PRKCZ: variants seen among roughly 807,000 people sequenced by gnomAD.
PRKCZ encodes the protein protein kinase C zeta, also known as protein kinase C zeta type.
In PRKCZ, 33 loss-of-function variants were observed where a neutral mutation model predicts 79.5. That is an observed-to-expected ratio of 0.41 (90% CI 0.31 to 0.55). PRKCZ has a LOEUF of 0.55. Among genes scored for constraint, PRKCZ ranks in the 20% least tolerant of loss-of-function variants. PRKCZ has a pLI of 0.19. For synonymous variants in PRKCZ, 342 were observed against 320.9 expected, an observed-to-expected ratio of 1.07 and a Z score of -0.70; for missense variants, 578 against 813.5, an observed-to-expected ratio of 0.71 and a Z score of 3.52.
intron 4 of PRKCZ, among the ~76,000 whole-genome samples, chr1:2,084,591 G>C (rs970955263): frequency 2.6e-5 from 4 of 152,248 alleles, no homozygotes; most frequent in Admixed American, 2.6e-4. Context: ...TCTCTGCCTG[G>C]ACTGTGGATG....
At chr1:2,064,297 T>C (rs1421683443) in intron 4 of PRKCZ, among the ~76,000 whole-genome samples, 1 of 152,240 alleles carries the variant, frequency 6.6e-6, no homozygotes, top group Admixed American at 6.5e-5. Flanking sequence ...TTAGCAAATA[T>C]CTTCTCCTGC....
intron 4 of PRKCZ, among the ~76,000 whole-genome samples, chr1:2,101,624 T>C (rs540919610): frequency 6.6e-6 from 1 of 152,358 alleles, no homozygotes; most frequent in East Asian, 1.9e-4. Flanking sequence ...GGTCTTCAAG[T>C]GCCCTGGGCT....
At chr1:2,116,761 C>CT (rs34766003) in intron 4 of PRKCZ, among the ~76,000 whole-genome samples, 2 of 152,126 alleles carry the variant, frequency 1.3e-5, no homozygotes, top group African/African-American at 4.8e-5. Context: ...TGGTTATTGG[C>CT]TTTTTACATT....
chr1:2,149,308 C>G lies in PRKCZ; in HGVS notation c.687+384C>G, dbSNP rs1679364261. Among the ~76,000 whole-genome samples, 1 of 152,224 alleles carries G rather than the reference C, an allele frequency of 6.6e-6. No homozygotes were observed. The highest frequency in any genetic ancestry group is 2.1e-4 in the South Asian group (1 of 4,834). Reference sequence around the variant, plus strand: ...CCTCATTTGGCCATCCTGGCAAACCCTCTGAAGCCCTTTCATGTCCTTCCC... The same window carrying G: ...CCTCATTTGGCCATCCTGGCAAACCGTCTGAAGCCCTTTCATGTCCTTCCC... On this transcript the variant is annotated intron_variant, in intron 8 of 17. Transcript: ENST00000378567. This position sits in a 1 kb window ranked among gnomAD's most constrained non-coding sequence, Gnocchi z 4.1.
At chr1:2,077,077 A>G (rs1571196540) in intron 4 of PRKCZ, among the ~76,000 whole-genome samples, 2 of 152,278 alleles carry the variant, frequency 1.3e-5, no homozygotes, top group Admixed American at 1.3e-4. Context: ...GAGGCGAGAC[A>G]CCAAGTTGAC....
chr1:2,070,807 G>C (rs561868236), intron 4 of PRKCZ, among the ~76,000 whole-genome samples: 4 of 151,726 alleles, frequency 2.6e-5, no homozygotes, highest in Admixed American at 6.6e-5. Context: ...CCTCGGCTGC[G>C]GGGGCCGGGG....
intron 10 of PRKCZ, 180 bp from the exon 11 acceptor site, chr1:2,169,338 C>T (rs1456380196): frequency 1.4e-5 from 9 of 664,526 alleles, no homozygotes; most frequent in Admixed American, 2.1e-5. Flanking sequence ...CGAGCGGCCC[C>T]GCAGCCCGTC....
In PRKCZ at chr1:2,128,665, G is replaced by A. The variant is rs901452752; in HGVS notation, c.335-6597G>A. Among the ~76,000 whole-genome samples the A allele has an allele frequency of 3.9e-5, 6 of 152,162 alleles. No individual in the cohort carries two copies. The highest frequency in any genetic ancestry group is 1.4e-4 in the African/African-American group (6 of 41,446). On this transcript the variant is annotated intron_variant, in intron 4 of 17. Transcript: ENST00000378567. The surrounding 1 kb of genome is among the most constrained non-coding windows in gnomAD (Gnocchi z 6.5). Reference sequence around the variant, plus strand: ...TCAGCAGAGCCTGGCACCCAGGGAGGTGGCAGGATGGGTCCCCAATGGGCA... The same window carrying A: ...TCAGCAGAGCCTGGCACCCAGGGAGATGGCAGGATGGGTCCCCAATGGGCA...
At chr1:2,157,118 G>A (rs1050369641) in intron 10 of PRKCZ, among the ~76,000 whole-genome samples, 1 of 152,176 alleles carries the variant, frequency 6.6e-6, no homozygotes, top group Non-Finnish European at 1.5e-5. Context: ...GGAGCAAGGG[G>A]GCCAGAAGGT....
chr1:2,118,704 A>ACAC (rs1253268788), intron 4 of PRKCZ, among the ~76,000 whole-genome samples: 7 of 123,362 alleles, frequency 5.7e-5, no homozygotes, highest in African/African-American at 2.0e-4. Context: ...TAGTGTGACC[A>ACAC]CACCAGCTCT....
At chr1:2,147,106 TG>T (rs1678715700) in intron 7 of PRKCZ, among the ~76,000 whole-genome samples, 3 of 152,210 alleles carry the variant, frequency 2.0e-5, no homozygotes, top group Admixed American at 2.0e-4. Context: ...ATGTATCTAT[TG>T]TCCACTGACC....
intron 10 of PRKCZ, among the ~76,000 whole-genome samples, chr1:2,160,857 C>T (rs900129933): frequency 6.6e-6 from 1 of 152,008 alleles, no homozygotes; most frequent in African/African-American, 2.4e-5. Context: ...CCCGCCCCGC[C>T]GGGGGTGATT....
intron 3 of PRKCZ, among the ~76,000 whole-genome samples, chr1:2,058,166 C>G (rs963814001): frequency 6.6e-6 from 1 of 152,094 alleles, no homozygotes; most frequent in Non-Finnish European, 1.5e-5. Flanking sequence ...GGTGCCCGGC[C>G]TAATTTTTGT....
chr1:2,171,052 C>T (rs1265042559), intron 11 of PRKCZ, among the ~76,000 whole-genome samples: 6 of 152,114 alleles, frequency 3.9e-5, no homozygotes, highest in Admixed American at 6.5e-5. Context: ...ATATTTAGGC[C>T]GGGCGTGGTG....
At chr1:2,175,406 C>A in intron 16 of PRKCZ, 93 bp downstream of exon 16, 5 of 960,464 alleles carry the variant, frequency 5.2e-6, no homozygotes, top group Non-Finnish European at 6.2e-6. Flanking sequence ...AATATTCACC[C>A]AACCCCCACC....
chr1:2,065,391 G>A (rs1387540979), intron 4 of PRKCZ, among the ~76,000 whole-genome samples: 1 of 152,124 alleles, frequency 6.6e-6, no homozygotes, highest in Admixed American at 6.5e-5. Context: ...TAAAAGTGGT[G>A]TGATCGGCCG....
intron 10 of PRKCZ, 44 bp from the exon 11 acceptor site, chr1:2,169,474 G>T (rs368127161): frequency 6.6e-7 from 1 of 1,522,564 alleles, no homozygotes; most frequent in African/African-American, 1.4e-5. Flanking sequence ...GGAGGCCGCC[G>T]TCTGCCGAGG....
At chr1:2,091,252 C>T (rs946248530) in intron 4 of PRKCZ, among the ~76,000 whole-genome samples, 3 of 152,150 alleles carry the variant, frequency 2.0e-5, no homozygotes, top group Non-Finnish European at 4.4e-5. Context: ...GGCCAGGCTG[C>T]TCTCGAACTC....
At chr1:2,141,205 CTG>C (rs1677238529) in intron 5 of PRKCZ, 1 of 152,154 alleles carries the variant, frequency 6.6e-6, no homozygotes, top group Non-Finnish European at 1.5e-5. Flanking sequence ...CGTGAGGTCT[CTG>C]TGGTGGGTGC....
Sources: gnomAD v4.1 joint callset for allele counts (sites outside exome capture counted in the v4.1 genomes callset) on GRCh38, gnomAD v4.1.1 for gene constraint, Gnocchi (gnomAD v3.1) non-coding constraint, MANE v1.5 for transcripts, NCBI Gene and HGNC (gene_info 2026-07-23, HGNC 2026-07-21) for gene names.